HDAC9: variants seen among roughly 807,000 people sequenced by gnomAD.
HDAC9 encodes MEF-2 interacting transcription repressor (MITR) protein.
In HDAC9, 41 loss-of-function variants were observed where a neutral mutation model predicts 139.4. That is an observed-to-expected ratio of 0.29 (90% CI 0.23 to 0.38). HDAC9 has a LOEUF of 0.38. Ranked by LOEUF, HDAC9 falls within the 10% of genes least tolerant of loss-of-function variation. The pLI is 1.00. For missense variants in HDAC9, 1,147 were observed against 1,297.0 expected (o/e 0.88, Z 1.78); for synonymous variants, 517 against 476.2 (o/e 1.09, Z -1.12).
chr7:18,254,236 A>G (rs1437682829), intron 2 of HDAC9, among the ~76,000 whole-genome samples: 1 of 152,366 alleles, frequency 6.6e-6, no homozygotes, highest in East Asian at 1.9e-4. Flanking sequence ...ATGAAAGGCA[A>G]GTAACTCTAT....
intron 2 of HDAC9, among the ~76,000 whole-genome samples, chr7:18,225,789 C>A (rs1359323786): frequency 6.6e-6 from 1 of 152,022 alleles, no homozygotes; most frequent in Non-Finnish European, 1.5e-5. Context: ...AAAGGGAAAA[C>A]TTGTTCCTTG....
intron 2 of HDAC9, among the ~76,000 whole-genome samples, chr7:18,551,605 C>T (rs576613118): frequency 2.6e-5 from 4 of 152,180 alleles, no homozygotes; most frequent in African/African-American, 9.7e-5. Flanking sequence ...TGTCTCTTAC[C>T]TCAGTGCAAA....
chr7:18,312,949 C>G (rs1296645272), intron 1 of HDAC9, among the ~76,000 whole-genome samples: 2 of 152,092 alleles, frequency 1.3e-5, no homozygotes, highest in Non-Finnish European at 2.9e-5. Flanking sequence ...AAAGTTCTAG[C>G]TACTTTATTC....
At chr7:18,114,021 G>T (rs532239216) in intron 1 of HDAC9, among the ~76,000 whole-genome samples, 43 of 152,238 alleles carry the variant, frequency 2.8e-4, no homozygotes, top group Non-Finnish European at 4.6e-4. Context: ...CAGTCTAACA[G>T]CACCTCAGAC....
At chr7:18,243,315 A>G (rs1214801109) in intron 2 of HDAC9, among the ~76,000 whole-genome samples, 2 of 152,226 alleles carry the variant, frequency 1.3e-5, no homozygotes, top group South Asian at 2.1e-4. Context: ...TAAGGACTAA[A>G]GCATAATCCC....
At chr7:18,277,646 G>GT in intron 2 of HDAC9, among the ~76,000 whole-genome samples, 1 of 152,090 alleles carries the variant, frequency 6.6e-6, no homozygotes, top group African/African-American at 2.4e-5. Flanking sequence ...AGACTTACTG[G>GT]AAGTCATTTT....
At chr7:18,248,645 C>A (rs918749717) in intron 2 of HDAC9, among the ~76,000 whole-genome samples, 1 of 152,110 alleles carries the variant, frequency 6.6e-6, no homozygotes, top group Admixed American at 6.6e-5. Context: ...TTTTTTCATG[C>A]ACTACATGAG....
intron 8 of HDAC9, among the ~76,000 whole-genome samples, chr7:18,637,421 G>A (rs1444841472): frequency 2.0e-5 from 3 of 151,880 alleles, no homozygotes; most frequent in Non-Finnish European, 4.4e-5. Context: ...CCATAACTTG[G>A]CACAAATCAT....
chr7:18,238,333 G>A (rs73066346), intron 2 of HDAC9, among the ~76,000 whole-genome samples: 97 of 152,260 alleles, frequency 6.4e-4, no homozygotes, highest in Middle Eastern at 6.8e-3. Context: ...GAGTGAGTGC[G>A]TTGCTTGCAA....
At chr7:18,334,996 C>T (rs1043405525) in intron 1 of HDAC9, among the ~76,000 whole-genome samples, 8 of 151,366 alleles carry the variant, frequency 5.3e-5, no homozygotes, top group East Asian at 1.9e-4. Flanking sequence ...TCTTTTTGTC[C>T]GGCAGGGTTT....
chr7:18,963,034 A>T (rs957490326), intron 24 of HDAC9, among the ~76,000 whole-genome samples: 3 of 148,976 alleles, frequency 2.0e-5, no homozygotes, highest in Non-Finnish European at 1.5e-5. Flanking sequence ...GTTCTACCAG[A>T]TTGCCTCTTC....
intron 1 of HDAC9, among the ~76,000 whole-genome samples, chr7:18,153,617 C>T (rs1786950609): frequency 6.6e-6 from 1 of 152,046 alleles, no homozygotes; most frequent in Non-Finnish European, 1.5e-5. Flanking sequence ...AGCCTTTGGT[C>T]CTTTCGTTAC....
intron 1 of HDAC9, among the ~76,000 whole-genome samples, chr7:18,399,411 G>A (rs908055148): frequency 5.9e-5 from 9 of 152,104 alleles, no homozygotes; most frequent in Non-Finnish European, 7.4e-5. Context: ...TAAAAGGTAC[G>A]AAAGGAAGAA....
chr7:18,202,510 G>GT (rs1426027647), intron 2 of HDAC9, among the ~76,000 whole-genome samples: 1 of 152,126 alleles, frequency 6.6e-6, no homozygotes, highest in East Asian at 1.9e-4. Flanking sequence ...CTCCTTTACT[G>GT]TTTTTATGCT....
rs571482075 is a variant in HDAC9, at chr7:18,368,508, T to A, written c.-42+77993T>A. Among the ~76,000 whole-genome samples the A allele has an allele frequency of 2.0e-5, 3 of 152,154 alleles. No individual in the cohort carries two copies. The South Asian group carries it at 6.2e-4, about 32-fold the overall frequency. On this transcript the variant is annotated intron_variant, in intron 1 of 3. Coordinates refer to the HDAC9 transcript ENST00000413509. ...AGACCTTTGCTTCTCATGTACACTA[T>A]GTTTATAGAGCAAAACATATTGTTT...
chr7:18,626,256 C>G (rs1161165977), intron 6 of HDAC9, among the ~76,000 whole-genome samples: 1 of 152,088 alleles, frequency 6.6e-6, no homozygotes, highest in East Asian at 1.9e-4. Context: ...GCCAGTTATG[C>G]AGCACTGTGA....
intron 1 of HDAC9, among the ~76,000 whole-genome samples, chr7:18,401,576 G>A (rs1787547275): frequency 6.6e-6 from 1 of 152,186 alleles, no homozygotes; most frequent in Non-Finnish European, 1.5e-5. Context: ...TAACCTCAAT[G>A]CCTCAGCAGA....
chr7:18,404,175 TA>T (rs1265417172), intron 1 of HDAC9, among the ~76,000 whole-genome samples: 2 of 152,162 alleles, frequency 1.3e-5, no homozygotes, highest in African/African-American at 2.4e-5. Context: ...AATACAAATA[TA>T]ATGTCGTGTA....
At chr7:18,368,049 G>A (rs1413509298) in intron 1 of HDAC9, among the ~76,000 whole-genome samples, 22 of 151,996 alleles carry the variant, frequency 1.4e-4, no homozygotes. Context: ...GGAAGTCATT[G>A]TAATAATTTG....
Sources: allele counts gnomAD v4.1 joint callset (sites outside exome capture counted in the v4.1 genomes callset), GRCh38; gene constraint gnomAD v4.1.1; transcripts MANE v1.5; gene names NCBI Gene and HGNC (gene_info 2026-07-23, HGNC 2026-07-21).